Variants in AHRR observed in about 807,000 individuals in gnomAD.
AHRR encodes ahR repressor.
AHRR carries 28 observed loss-of-function variants against 44.0 expected under a neutral mutation model. The ratio of observed to expected loss-of-function variants is 0.64; its 90% CI spans 0.47 to 0.87. The LOEUF is 0.87. Ranked by LOEUF, AHRR falls within the 40% of genes least tolerant of loss-of-function variation. The pLI is 0.00. For missense variants in AHRR, 990 were observed against 953.9 expected (o/e 1.04, Z -0.50); for synonymous variants, 434 against 407.0 (o/e 1.07, Z -0.80).
At chr5:382,603 GT>G (rs1216224590) in intron 4 of AHRR, among the ~76,000 whole-genome samples, 1 of 151,696 alleles carries the variant, frequency 6.6e-6, no homozygotes, top group East Asian at 1.9e-4. Context: ...GCAGCTATTG[GT>G]TTTATTTTCT....
At chr5:397,534 T>C (rs1213992081) in intron 4 of AHRR, among the ~76,000 whole-genome samples, 12 of 53,624 alleles carry the variant, frequency 2.2e-4, no homozygotes, top group South Asian at 9.6e-4. Context: ...TCCACGTAGC[T>C]CCTGACCGTC....
rs533258281 is a variant in AHRR, at chr5:338,274, A to C, written c.-10-5619A>C. On this transcript the variant is annotated intron_variant, in intron 1 of 10. Coordinates refer to ENST00000684583, the MANE Select transcript of AHRR (RefSeq NM_001377236.1). This position sits in a 1 kb window ranked among gnomAD's most constrained non-coding sequence, Gnocchi z 4.1. ...GCTTTTTGTGCCATGTTGTAGACCC[A>C]TACTACAATCTGGTATCATTTTCCT... Among the ~76,000 whole-genome samples the C allele has an allele frequency of 5.9e-5, 9 of 152,314 alleles. No homozygotes were observed. The South Asian group carries it at 1.9e-3, about 32-fold the overall frequency.
At chr5:390,635 A>G (rs1336254995) in intron 4 of AHRR, among the ~76,000 whole-genome samples, 1 of 152,160 alleles carries the variant, frequency 6.6e-6, no homozygotes, top group Non-Finnish European at 1.5e-5. Flanking sequence ...AGCTCCAGGA[A>G]GATCGGAGGG....
At chr5:359,455 G>A (rs574258791) in intron 3 of AHRR, among the ~76,000 whole-genome samples, 7 of 152,220 alleles carry the variant, frequency 4.6e-5, no homozygotes, top group African/African-American at 9.6e-5. Context: ...ACCTCTATGC[G>A]TAGGGCCGGA....
chr5:367,995 G>T, intron 3 of AHRR: 1 of 696,020 alleles, frequency 1.4e-6, no homozygotes, highest in South Asian at 1.5e-5. Flanking sequence ...GATGTGTGAG[G>T]ACAATGAAGG....
intron 7 of AHRR, among the ~76,000 whole-genome samples, chr5:425,146 G>A (rs1736326036): frequency 6.6e-6 from 1 of 152,246 alleles, no homozygotes; most frequent in Admixed American, 6.5e-5. Flanking sequence ...GGGACCTTGG[G>A]TGCAGACGGT....
intron 5 of AHRR, among the ~76,000 whole-genome samples, chr5:416,622 A>G (rs752007092): frequency 6.6e-6 from 1 of 152,008 alleles, no homozygotes; most frequent in Admixed American, 6.5e-5. Flanking sequence ...CATCCTCTTC[A>G]TCTCCATCTT....
Position 353,735 on chromosome 5 carries a change from C to G in AHRR, c.68C>G (p.Pro23Arg). The G allele has an allele frequency of 6.2e-7, 1 of 1,607,920 alleles. No homozygotes were observed. The highest frequency in any genetic ancestry group is 8.5e-7 in the Non-Finnish European group (1 of 1,178,360). ...KRRRPLQKQR[P>R]AVGAEKSNPS... ...CCCAGACCATCTCCCCACAGGAGGC[C>G]CGCCGTGGGGGCAGAGAAGTCCAAC... Residue 23 changes from proline to arginine, a missense_variant, in exon 3 of 11, where the codon CCC becomes CGC. Pro to Arg is a moderately radical substitution (Grantham distance 103, BLOSUM62 -2). Coordinates refer to ENST00000684583, the MANE Select transcript of AHRR (RefSeq NM_001377236.1).
chr5:425,401 T>C (rs1375341961), intron 7 of AHRR, among the ~76,000 whole-genome samples: 1 of 152,194 alleles, frequency 6.6e-6, no homozygotes, highest in Non-Finnish European at 1.5e-5. Flanking sequence ...CACTGCAAGC[T>C]CCGCCTCCTG....
chr5:397,858 C>T (rs1209578645), intron 4 of AHRR, among the ~76,000 whole-genome samples: 2 of 98,088 alleles, frequency 2.0e-5, no homozygotes, highest in Non-Finnish European at 4.4e-5. Flanking sequence ...ATGTTAGCCC[C>T]TGACCATCCC....
At chr5:421,474 T>C (rs112449701) in intron 5 of AHRR, 171 of 494,278 alleles carry the variant, frequency 3.5e-4, no homozygotes, top group African/African-American at 3.2e-3. Flanking sequence ...CTGGGTGGGG[T>C]CCCGCGGGGT....
At chr5:355,151 C>T (rs1194749915) in intron 3 of AHRR, among the ~76,000 whole-genome samples, 1 of 152,208 alleles carries the variant, frequency 6.6e-6, no homozygotes, top group Admixed American at 6.5e-5. Flanking sequence ...CCTCCTGGTG[C>T]CCAGGGCTGC....
At chr5:423,563 C>T (rs1464473011) in intron 6 of AHRR, among the ~76,000 whole-genome samples, 1 of 152,204 alleles carries the variant, frequency 6.6e-6, no homozygotes, top group Admixed American at 6.5e-5. Context: ...AGCCCAGGCA[C>T]CTACATGCAA....
In AHRR at chr5:434,506, A is replaced by G; in HGVS notation, c.1766A>G (p.His589Arg). ...CAGGTGTACATCTCGCACCTGGGGC[A>G]CGGCGTGCGGGGGGCTCAGCCCCAT... Reference protein sequence around the residue: ...RQQVYISHLGHGVRGAQPHGR... With the variant: ...RQQVYISHLGRGVRGAQPHGR... Residue 589 changes from histidine (H) to arginine (R), a missense_variant, in exon 11 of 11, where the codon CAC becomes CGC. By Grantham distance (29) the His-to-Arg change is conservative (BLOSUM62 0). Transcript: ENST00000684583. The G allele has an allele frequency of 6.2e-7, 1 of 1,612,836 alleles. No homozygotes were observed. The highest frequency in any genetic ancestry group is 1.1e-5 in the South Asian group (1 of 91,008).
At chr5:421,548 C>T (rs570365877) in intron 5 of AHRR, among the ~76,000 whole-genome samples, 3 of 152,360 alleles carry the variant, frequency 2.0e-5, no homozygotes, top group African/African-American at 4.8e-5. Flanking sequence ...GCCTAGGTTA[C>T]CCTCCAGTTA....
chr5:382,900 C>T (rs1262732233), intron 4 of AHRR, among the ~76,000 whole-genome samples: 1 of 152,148 alleles, frequency 6.6e-6, no homozygotes, highest in Non-Finnish European at 1.5e-5. Flanking sequence ...GTAATATAAG[C>T]ATTTAATGCT....
intron 1 of AHRR, chr5:343,565 T>A (rs1579600394): frequency 2.8e-6 from 1 of 354,228 alleles, no homozygotes; most frequent in East Asian, 6.3e-5. Context: ...CCTGGCTTCC[T>A]CGATGGCTTC....
chr5:411,087 A>C lies in AHRR; in HGVS notation c.352-2257A>C, dbSNP rs1034041125. On this transcript the variant is annotated intron_variant, in intron 4 of 10. Coordinates refer to ENST00000684583, the MANE Select transcript of AHRR (RefSeq NM_001377236.1). This position sits in a 1 kb window ranked among gnomAD's most constrained non-coding sequence, Gnocchi z 4.2. ...TCTTTTCAAAATTTTCAAAAATTCA[A>C]ATTTTGACTCTGTTAATGGCCTTTA... Among the ~76,000 whole-genome samples, 1 of 152,034 alleles carries C rather than the reference A, an allele frequency of 6.6e-6. No individual in the cohort carries two copies. The highest frequency in any genetic ancestry group is 1.5e-5 in the Non-Finnish European group (1 of 68,020).
chr5:350,235 A>G (rs534915737), intron 2 of AHRR, among the ~76,000 whole-genome samples: 108 of 152,336 alleles, frequency 7.1e-4, no homozygotes, highest in African/African-American at 2.6e-3. Flanking sequence ...TGAATCATCC[A>G]ATCAAAGAAC....
Sources: gnomAD v4.1 joint callset for allele counts (sites outside exome capture counted in the v4.1 genomes callset) on GRCh38, gnomAD v4.1.1 for gene constraint, Gnocchi (gnomAD v3.1) non-coding constraint, MANE v1.5 for transcripts, NCBI Gene and HGNC (gene_info 2026-07-23, HGNC 2026-07-21) for gene names.